Variants in CCDC57 observed in about 807,000 individuals in gnomAD.
The protein encoded by CCDC57 is coiled-coil domain-containing protein 57.
In CCDC57, 118 loss-of-function variants were observed where a neutral mutation model predicts 118.9. The ratio of observed to expected loss-of-function variants is 0.99; its 90% confidence interval spans 0.86 to 1.16. The LOEUF is 1.16. Among genes scored for constraint, CCDC57 ranks in the 50% most tolerant of loss-of-function variants. The pLI is 0.00. For synonymous variants in CCDC57, 527 were observed against 532.9 expected, an observed-to-expected ratio of 0.99 and a Z score of 0.15; for missense variants, 1,300 against 1,320.7, an observed-to-expected ratio of 0.98 and a Z score of 0.24.
intron 11 of CCDC57, 111 bp downstream of exon 10, chr17:82,178,363 G>T: frequency 7.7e-7 from 1 of 1,299,086 alleles, no homozygotes; most frequent in Non-Finnish European, 1.0e-6. Flanking sequence ...CATTTAAAAA[G>T]AACACAACTG....
intron 16 of CCDC57, among the ~76,000 whole-genome samples, chr17:82,150,827 T>C (rs374579387): frequency 0.18 from 2,931 of 16,274 alleles, no homozygotes; most frequent in Non-Finnish European, 0.18. Context: ...AGGCGCACAC[T>C]CAGAACCTGA....
intron 4 of CCDC57, among the ~76,000 whole-genome samples, chr17:82,198,002 C>T (rs115501370): frequency 1.7e-3 from 262 of 152,272 alleles, no homozygotes; most frequent in African/African-American, 5.9e-3. Context: ...CGTAACTGCA[C>T]GAGTGAATTC....
chr17:82,173,316 C>A (rs2045020265), intron 11 of CCDC57, among the ~76,000 whole-genome samples: 1 of 152,140 alleles, frequency 6.6e-6, no homozygotes, highest in Admixed American at 6.6e-5. Context: ...TTAGTACAAT[C>A]AAACATCCAC....
Position 82,179,165 on chromosome 17 carries a change from T to TG in CCDC57, c.1235dup (p.Val413SerfsTer10). ...GCTCCAGGCTCCGCTCCCTTTCCAC[T>TG]GCCAGGGACAGCTGTTGCTTGTACC... On this transcript the variant is annotated frameshift_variant, in exon 10 of 20. Coordinates refer to ENST00000665763, the Ensembl canonical transcript of CCDC57. LOFTEE classifies it high-confidence loss of function. The TG allele has an allele frequency of 6.2e-7, 1 of 1,613,906 alleles. No homozygotes were observed. Among genetic ancestry groups the TG allele is most frequent in the African/African-American group, 1.3e-5 (1 of 75,058 alleles).
intron 11 of CCDC57, among the ~76,000 whole-genome samples, chr17:82,173,118 G>C (rs996161466): frequency 6.6e-5 from 10 of 152,140 alleles, no homozygotes; most frequent in Non-Finnish European, 1.2e-4. Flanking sequence ...AAGTGGAATG[G>C]GGGTGCTGGG....
intron 17 of CCDC57, among the ~76,000 whole-genome samples, chr17:82,132,734 TTATC>T (rs1352978887): frequency 6.6e-6 from 1 of 151,088 alleles, no homozygotes; most frequent in African/African-American, 2.4e-5. Flanking sequence ...ATTTTTATTT[TTATC>T]TTTCTGTAGA....
exon 8 of CCDC57, chr17:82,188,366 A>G: frequency 6.2e-7 from 1 of 1,611,204 alleles, no homozygotes. Flanking sequence ...GGCTCCCTTC[A>G]CCGCCACCAG....
At chr17:82,174,283 C>T (rs1336718566) in intron 11 of CCDC57, among the ~76,000 whole-genome samples, 4 of 152,374 alleles carry the variant, frequency 2.6e-5, no homozygotes, top group East Asian at 1.9e-4. Flanking sequence ...GAGCTTCACA[C>T]GCTGCGCTCA....
intron 13 of CCDC57, among the ~76,000 whole-genome samples, chr17:82,165,413 CT>C (rs2043859856): frequency 6.6e-6 from 1 of 151,936 alleles, no homozygotes; most frequent in Non-Finnish European, 1.5e-5. Context: ...CCAGGGGTGG[CT>C]GGCAAGGAGT....
chr17:82,132,358 T>C (rs114080652), intron 17 of CCDC57, among the ~76,000 whole-genome samples: 57 of 152,112 alleles, frequency 3.7e-4, no homozygotes, highest in African/African-American at 1.4e-3. Context: ...ATCCACAGTC[T>C]ACAAAACACT....
intron 16 of CCDC57, chr17:82,145,873 C>A: frequency 2.2e-6 from 1 of 451,470 alleles, no homozygotes; most frequent in Non-Finnish European, 4.6e-6. Flanking sequence ...GCTCCACAGT[C>A]TGAATGGGGT....
At chr17:82,165,595 T>C (rs975913313) in intron 13 of CCDC57, among the ~76,000 whole-genome samples, 1 of 152,114 alleles carries the variant, frequency 6.6e-6, no homozygotes, top group Non-Finnish European at 1.5e-5. Flanking sequence ...TGCCAGCCCA[T>C]GGTCCTGCAG....
chr17:82,122,113 G>A (rs543661369), intron 19 of CCDC57, among the ~76,000 whole-genome samples: 2 of 152,188 alleles, frequency 1.3e-5, no homozygotes, highest in South Asian at 2.1e-4. Context: ...TTCCTGAGGC[G>A]CCAACCCACC....
intron 19 of CCDC57, among the ~76,000 whole-genome samples, chr17:82,110,144 A>G (rs1383307079): frequency 6.6e-6 from 1 of 151,588 alleles, no homozygotes; most frequent in Admixed American, 6.6e-5. Flanking sequence ...CCACGGCCAG[A>G]TAATTTTTGT....
intron 17 of CCDC57, among the ~76,000 whole-genome samples, chr17:82,133,802 G>C (rs916900971): frequency 1.2e-4 from 19 of 152,090 alleles, no homozygotes; most frequent in African/African-American, 4.3e-4. Context: ...GGAGGTTGTA[G>C]TGAGCCGAGA....
At chr17:82,182,351 AC>A (rs2046314350) in intron 9 of CCDC57, among the ~76,000 whole-genome samples, 1 of 149,420 alleles carries the variant, frequency 6.7e-6, no homozygotes. Context: ...CAGCATTGGT[AC>A]TTTTCCTTTT....
chr17:82,200,809 GA>G lies in CCDC57; in HGVS notation c.407+728del, dbSNP rs1046055399. Among the ~76,000 whole-genome samples, 6 of 151,496 alleles carry G rather than the reference GA, an allele frequency of 4.0e-5. No individual in the cohort carries two copies. In the East Asian group the frequency reaches 5.8e-4, roughly 15 times the overall value. On this transcript the variant is annotated intron_variant, in intron 3 of 19. Coordinates refer to ENST00000665763, the Ensembl canonical transcript of CCDC57. ...AACTCTGTCTCAAAAAAAAAGAAAA[GA>G]AAAAAAATGCTGCTTATGTTAGAAG...
At chr17:82,193,904 G>T in intron 6 of CCDC57, 74 bp from the exon 6 acceptor site, 1 of 1,571,014 alleles carries the variant, frequency 6.4e-7, no homozygotes, top group Non-Finnish European at 8.6e-7. Context: ...GAGCAGAAAA[G>T]GTAGAATCCC....
chr17:82,138,399 CA>C (rs1279115944), intron 16 of CCDC57, among the ~76,000 whole-genome samples: 2 of 151,976 alleles, frequency 1.3e-5, no homozygotes, highest in Non-Finnish European at 2.9e-5. Flanking sequence ...CTACCTGCCT[CA>C]GCCTCCCAAA....
Sources: gnomAD v4.1 joint callset for allele counts (sites outside exome capture counted in the v4.1 genomes callset) on GRCh38, gnomAD v4.1.1 for gene constraint, MANE v1.5 for transcripts, NCBI Gene and HGNC (gene_info 2026-07-23, HGNC 2026-07-21) for gene names.